The following ERAP1 variants were observed in gnomAD, a reference collection of about 807,000 sequenced individuals.
ERAP1 encodes the protein endoplasmic reticulum aminopeptidase 1.
Under a neutral mutation model 103.7 loss-of-function variants are expected in ERAP1, and 86 were observed. The observed-to-expected ratio is 0.83, with a 90% CI of 0.70 to 0.99. ERAP1 has a LOEUF of 0.99. Among genes scored for constraint, ERAP1 ranks in the 50% least tolerant of loss-of-function variants. The pLI, the probability that ERAP1 is intolerant of heterozygous loss-of-function variation, is 0.00. For synonymous variants in ERAP1, 398 were observed against 402.4 expected, an observed-to-expected ratio of 0.99 and a Z score of 0.13; for missense variants, 1,009 against 1,128.4, an observed-to-expected ratio of 0.89 and a Z score of 1.52.
At chr5:96,765,343 A>G in intron 19 of ERAP1, 3 of 1,057,828 alleles carry the variant, frequency 2.8e-6, no homozygotes, top group Non-Finnish European at 2.7e-6. Context: ...AAAAAAAAAA[A>G]AAAAAAAAAA....
At chr5:96,803,358 G>C (rs200264416) in intron 2 of ERAP1, 45 bp downstream of exon 2, 2 of 1,540,852 alleles carry the variant, frequency 1.3e-6, no homozygotes, top group Middle Eastern at 1.7e-4. Context: ...TGAATTTAGC[G>C]TGGGCAGCAC....
chr5:96,794,478 A>G (rs2150967089), intron 5 of ERAP1, among the ~76,000 whole-genome samples: 2 of 152,250 alleles, frequency 1.3e-5, no homozygotes, highest in Non-Finnish European at 1.5e-5. Flanking sequence ...GACATGAGCC[A>G]CCGTGCCCGC....
At chr5:96,856,631 G>A in the ERAP1 span, among the ~76,000 whole-genome samples, 2 of 151,908 alleles carry the variant, frequency 1.3e-5, no homozygotes, top group African/African-American at 4.8e-5. Context: ...GTTTCTGGCT[G>A]CTTCTGCTCT....
the ERAP1 span, among the ~76,000 whole-genome samples, chr5:96,836,176 G>GTTTTTTTTTTTTTTTTTTTTTTTGT: frequency 4.7e-5 from 5 of 106,682 alleles, no homozygotes; most frequent in South Asian, 3.6e-4. Flanking sequence ...CACCTCTTTG[G>GTTTTTTTTTTTTTTTTTTTTTTTGT]TTTTTTTTTT....
the ERAP1 span, among the ~76,000 whole-genome samples, chr5:96,848,019 G>T: frequency 4.6e-5 from 7 of 151,636 alleles, no homozygotes; most frequent in African/African-American, 1.7e-4. Context: ...AAAAAAATCA[G>T]CAAAACCAAG....
intron 1 of ERAP1, chr5:96,805,899 C>G (rs1778543936): frequency 6.6e-6 from 1 of 152,220 alleles, no homozygotes; most frequent in Non-Finnish European, 1.5e-5. Flanking sequence ...AATTCCAACT[C>G]GTTATGAGCT....
chr5:96,906,133 A>G, the ERAP1 span, among the ~76,000 whole-genome samples: 2 of 152,044 alleles, frequency 1.3e-5, no homozygotes, highest in South Asian at 2.1e-4. Flanking sequence ...AGACATTGTC[A>G]TCCAAGGGCT....
At chr5:96,765,785 T>C (rs1443031906) in intron 19 of ERAP1, among the ~76,000 whole-genome samples, 1 of 150,302 alleles carries the variant, frequency 6.7e-6, no homozygotes. Flanking sequence ...TTTCTGAAGA[T>C]AATTATTTAA....
At chr5:96,934,037 G>C in the ERAP1 span, 1 of 152,212 alleles carries the variant, frequency 6.6e-6, no homozygotes, top group Non-Finnish European at 1.5e-5. Context: ...TCATTAACTG[G>C]AAGGGTTTGC....
At chr5:96,768,084 T>G in intron 19 of ERAP1, 3 of 888,936 alleles carry the variant, frequency 3.4e-6, no homozygotes, top group East Asian at 2.6e-5. Context: ...TTGATTGATC[T>G]ATCTATCGGT....
chr5:96,855,203 T>A, the ERAP1 span, among the ~76,000 whole-genome samples: 3 of 152,158 alleles, frequency 2.0e-5, no homozygotes, highest in Admixed American at 2.0e-4. Context: ...ATAATTAACA[T>A]TAAAGAAACA....
chr5:96,930,673 A>C, the ERAP1 span, among the ~76,000 whole-genome samples: 20 of 152,202 alleles, frequency 1.3e-4, no homozygotes. Context: ...GGTTTTGTTC[A>C]AATACCCCTC....
chr5:96,786,743 T>G, intron 11 of ERAP1, 194 bp from the exon 12 acceptor site: 1 of 569,406 alleles, frequency 1.8e-6, no homozygotes, highest in Non-Finnish European at 3.1e-6. Flanking sequence ...CTATTTCCTT[T>G]TCTTGGACTC....
chr5:96,813,782 G>T, the ERAP1 span, among the ~76,000 whole-genome samples: 1 of 146,468 alleles, frequency 6.8e-6, no homozygotes, highest in Admixed American at 7.0e-5. Context: ...CTAGCTAAAA[G>T]AAATTCTAAA....
At chr5:96,839,261 CATTATGTA>C in the ERAP1 span, among the ~76,000 whole-genome samples, 1 of 152,236 alleles carries the variant, frequency 6.6e-6, no homozygotes, top group Non-Finnish European at 1.5e-5. Context: ...ATTAAAGCTT[CATTATGTA>C]AACATGATTG....
chr5:96,794,495 A>G (rs1297293529), intron 5 of ERAP1, among the ~76,000 whole-genome samples: 1 of 152,130 alleles, frequency 6.6e-6, no homozygotes, highest in Non-Finnish European at 1.5e-5. Flanking sequence ...CCGCCTTTTC[A>G]GGCCTCTTGA....
At chr5:96,856,350 AT>A in the ERAP1 span, among the ~76,000 whole-genome samples, 3 of 11,408 alleles carry the variant, frequency 2.6e-4, no homozygotes, top group Non-Finnish European at 1.8e-4. Context: ...AAAAAAAAAA[AT>A]ATATATATAT....
the ERAP1 span, among the ~76,000 whole-genome samples, chr5:96,837,387 T>C: frequency 1.3e-5 from 2 of 152,222 alleles, no homozygotes; most frequent in African/African-American, 2.4e-5. Flanking sequence ...TATATGTTAA[T>C]GAAGCAGGAA....
the ERAP1 span, among the ~76,000 whole-genome samples, chr5:96,901,280 C>G: frequency 6.6e-6 from 1 of 152,066 alleles, no homozygotes; most frequent in Non-Finnish European, 1.5e-5. Flanking sequence ...ATGTATTCAC[C>G]CTACTATATC....
Sources: allele counts gnomAD v4.1 joint callset (sites outside exome capture counted in the v4.1 genomes callset), GRCh38; gene constraint gnomAD v4.1.1; transcripts MANE v1.5; gene names NCBI Gene and HGNC (gene_info 2026-07-23, HGNC 2026-07-21).